GRIN2A: variants seen among roughly 807,000 people sequenced by gnomAD.
GRIN2A encodes glutamate receptor ionotropic, NMDA 2A.
Under a neutral mutation model 113.4 loss-of-function variants are expected in GRIN2A, and 22 were observed. That is an observed-to-expected ratio of 0.19 (90% CI 0.14 to 0.28). The LOEUF is 0.28. Ranked by LOEUF, GRIN2A falls within the 10% of genes least tolerant of loss-of-function variation. The pLI, the probability that GRIN2A is intolerant of heterozygous loss-of-function variation, is 1.00. For synonymous variants in GRIN2A, 827 were observed against 738.4 expected, an observed-to-expected ratio of 1.12 and a Z score of -1.94; for missense variants, 1,502 against 1,887.0, an observed-to-expected ratio of 0.80 and a Z score of 3.78.
At chr16:9,769,372 G>GTA (rs1198051924) in intron 11 of GRIN2A, 2 of 149,168 alleles carry the variant, frequency 1.3e-5, no homozygotes, top group Admixed American at 6.8e-5. Flanking sequence ...CTATTAATAT[G>GTA]TATATATATT....
rs148846694 is a variant in GRIN2A at position 9,798,356 on chromosome 16, G to A, written c.2277C>T (p.Thr759=). ...CTTTCTGAAGGGCAATTCCATAACC[G>A]GTGGTGGCAAAGATGTACCCACTCC... ...TIGSGYIFAT[T]GYGIALQKGS... is the part of the protein sequence containing the mutation. Residue 759 remains threonine, a synonymous_variant, in exon 11 of 13, where the codon ACC becomes ACT. Transcript: ENST00000330684. The A allele has an allele frequency of 3.2e-4, 516 of 1,613,846 alleles. 1 individual carries two copies. Among genetic ancestry groups the A allele is most frequent in the Non-Finnish European group, 3.9e-4 (462 of 1,179,914 alleles).
At chr16:9,805,505 G>C (rs1334129348) in intron 10 of GRIN2A, 1 of 152,138 alleles carries the variant, frequency 6.6e-6, no homozygotes, top group East Asian at 1.9e-4. Flanking sequence ...GCCAGGAAGA[G>C]GAACACATTA....
At chr16:9,990,948 T>C (rs2141816962) in intron 2 of GRIN2A, among the ~76,000 whole-genome samples, 1 of 152,050 alleles carries the variant, frequency 6.6e-6, no homozygotes, top group Non-Finnish European at 1.5e-5. Flanking sequence ...GTACCTGTAA[T>C]CCCAGCTACT....
intron 2 of GRIN2A, among the ~76,000 whole-genome samples, chr16:10,088,868 G>C (rs950201986): frequency 6.6e-6 from 1 of 152,140 alleles, no homozygotes; most frequent in Non-Finnish European, 1.5e-5. Context: ...CTTCCAACTA[G>C]GATCAAGGGA....
At chr16:9,783,408 A>G (rs887761439) in intron 11 of GRIN2A, among the ~76,000 whole-genome samples, 1 of 152,222 alleles carries the variant, frequency 6.6e-6, no homozygotes, top group Non-Finnish European at 1.5e-5. Flanking sequence ...TAACACTGTT[A>G]TTATAGTCAA....
At chr16:10,013,983 A>AT (rs2046557419) in intron 2 of GRIN2A, among the ~76,000 whole-genome samples, 1 of 152,080 alleles carries the variant, frequency 6.6e-6, no homozygotes, top group Non-Finnish European at 1.5e-5. Flanking sequence ...GTTGAATGAT[A>AT]TTTTCCTTTA....
chr16:10,094,595 A>G (rs1377099926), intron 2 of GRIN2A, among the ~76,000 whole-genome samples: 1 of 151,952 alleles, frequency 6.6e-6, no homozygotes, highest in Non-Finnish European at 1.5e-5. Context: ...GAGTACAGGC[A>G]CCCACCACAA....
chr16:9,924,173 G>A lies in GRIN2A; in HGVS notation c.1007+13786C>T, dbSNP rs1596596002. Among the ~76,000 whole-genome samples, 3 of 143,424 alleles carry A rather than the reference G, an allele frequency of 2.1e-5. No homozygotes were observed. The Admixed American group carries it at 2.1e-4, about 10-fold the overall frequency. The allele number at this position is 143,424 out of a possible 152,430, so 94.1% of individuals were successfully genotyped here. Reference sequence around the variant, plus strand: ...TCATGCGTTTAACAATCTAGTTTTTGTTTAATTGCTTTTCATTCTTTTGTG... The same window carrying A: ...TCATGCGTTTAACAATCTAGTTTTTATTTAATTGCTTTTCATTCTTTTGTG... On this transcript the variant is annotated intron_variant, in intron 3 of 12. Coordinates refer to ENST00000330684, the MANE Select transcript of GRIN2A (RefSeq NM_001134407.3).
At chr16:9,999,234 G>A (rs1567226182) in intron 2 of GRIN2A, among the ~76,000 whole-genome samples, 1 of 152,088 alleles carries the variant, frequency 6.6e-6, no homozygotes, top group Non-Finnish European at 1.5e-5. Context: ...CAGACTGCCT[G>A]GGTTCAAATC....
intron 2 of GRIN2A, among the ~76,000 whole-genome samples, chr16:10,141,599 T>G (rs2049328028): frequency 6.6e-6 from 1 of 152,142 alleles, no homozygotes; most frequent in African/African-American, 2.4e-5. Context: ...GCTGGAAGAT[T>G]CCTGCTCTTT....
intron 11 of GRIN2A, among the ~76,000 whole-genome samples, chr16:9,781,430 T>A (rs553779282): frequency 6.6e-6 from 1 of 152,266 alleles, no homozygotes; most frequent in South Asian, 2.1e-4. Context: ...GAAGGAACAC[T>A]GCTCTCTGCA....
chr16:9,799,138 G>T (rs1359136773), intron 10 of GRIN2A, among the ~76,000 whole-genome samples: 1 of 152,196 alleles, frequency 6.6e-6, no homozygotes, highest in Non-Finnish European at 1.5e-5. Context: ...AAATAGTTGA[G>T]GCTTTGTAGG....
chr16:9,816,659 G>A (rs578259319), intron 10 of GRIN2A, among the ~76,000 whole-genome samples: 8 of 152,312 alleles, frequency 5.3e-5, no homozygotes, highest in African/African-American at 1.7e-4. Flanking sequence ...CTGAGCATTT[G>A]TAAATCTAAA....
At chr16:9,841,139 G>C (rs2042670686) in intron 5 of GRIN2A, 35 bp from the exon 6 acceptor site, 1 of 1,543,700 alleles carries the variant, frequency 6.5e-7, no homozygotes, top group African/African-American at 1.4e-5. Flanking sequence ...CAGAATGTTA[G>C]CACTGGAAGG....
chr16:9,990,545 A>ACG (rs869036966), intron 2 of GRIN2A, among the ~76,000 whole-genome samples: 121 of 130,472 alleles, frequency 9.3e-4, no homozygotes, highest in African/African-American at 3.3e-3. Context: ...CTCTCTCTAC[A>ACG]CGCGCGCGCG....
At chr16:10,059,802 G>A (rs993857388) in intron 2 of GRIN2A, among the ~76,000 whole-genome samples, 14 of 151,858 alleles carry the variant, frequency 9.2e-5, no homozygotes, top group African/African-American at 3.4e-4. Flanking sequence ...TGGGCATTAT[G>A]TGTTTATACA....
At chr16:9,922,937 A>G (rs951662508) in intron 3 of GRIN2A, among the ~76,000 whole-genome samples, 6 of 152,160 alleles carry the variant, frequency 3.9e-5, no homozygotes, top group African/African-American at 7.2e-5. Context: ...TTTTCTGTAT[A>G]CATTTGAAAA....
intron 2 of GRIN2A, among the ~76,000 whole-genome samples, chr16:10,082,712 A>G (rs369577996): frequency 5.2e-4 from 79 of 152,248 alleles, no homozygotes; most frequent in African/African-American, 1.9e-3. Flanking sequence ...CTCATTTCCC[A>G]TGAGATAATA....
intron 4 of GRIN2A, among the ~76,000 whole-genome samples, chr16:9,860,460 A>AG (rs1555497587): frequency 1.4e-5 from 2 of 143,124 alleles, no homozygotes; most frequent in Non-Finnish European, 3.1e-5. Context: ...AAAAAAAAAA[A>AG]AAAAAAAAAA....
Sources: allele counts gnomAD v4.1 joint callset (sites outside exome capture counted in the v4.1 genomes callset), GRCh38; gene constraint gnomAD v4.1.1; transcripts MANE v1.5; gene names NCBI Gene and HGNC (gene_info 2026-07-23, HGNC 2026-07-21).